HS6ST2: variants seen among roughly 807,000 people sequenced by gnomAD.
HS6ST2 encodes heparan sulfate 6-O-sulfotransferase 2, also known as heparan-sulfate 6-O-sulfotransferase 2.
A neutral mutation model predicts 33.0 loss-of-function variants in HS6ST2; 17 were observed. That is an observed-to-expected ratio of 0.52 (90% CI 0.35 to 0.77). HS6ST2 has a LOEUF of 0.77. HS6ST2 is among the 30% of genes least tolerant of loss of function. HS6ST2 has a pLI of 0.01. For synonymous variants in HS6ST2, 248 were observed against 237.1 expected (o/e 1.05, Z -0.42); for missense variants, 519 against 551.7 (o/e 0.94, Z 0.59).
chrX:132,916,003 G>A (rs2066585653), intron 2 of HS6ST2, among the ~76,000 whole-genome samples: 2 of 110,891 alleles, frequency 1.8e-5, no homozygotes, highest in Admixed American at 1.9e-4. Context: ...AAAGTGCTGG[G>A]ATTACAGACG....
At chrX:132,712,792 G>C (rs758208005) in intron 2 of HS6ST2, among the ~76,000 whole-genome samples, 1 of 111,496 alleles carries the variant, frequency 9.0e-6, no homozygotes, top group African/African-American at 3.3e-5. Flanking sequence ...TTGGGAGGCG[G>C]AGCAGATGGA....
chrX:132,889,182 C>T (rs1022604102), intron 2 of HS6ST2, among the ~76,000 whole-genome samples: 1 of 110,456 alleles, frequency 9.1e-6, no homozygotes, highest in African/African-American at 3.3e-5. Context: ...AGCATTCAAG[C>T]AGTAGGGAGG....
chrX:132,853,963 G>A (rs1174094999), intron 2 of HS6ST2, among the ~76,000 whole-genome samples: 1 of 110,806 alleles, frequency 9.0e-6, no homozygotes, highest in East Asian at 2.9e-4. Flanking sequence ...GGTGAAGGCT[G>A]CAGTGAGCCT....
intron 2 of HS6ST2, among the ~76,000 whole-genome samples, chrX:132,737,720 T>C (rs1157926834): frequency 8.9e-6 from 1 of 112,548 alleles, no homozygotes; most frequent in Non-Finnish European, 1.9e-5. Flanking sequence ...GGGGCAAGCA[T>C]AGGTGTTTGG....
At chrX:132,688,575 G>T (rs1028552155) in intron 3 of HS6ST2, among the ~76,000 whole-genome samples, 1 of 110,955 alleles carries the variant, frequency 9.0e-6, no homozygotes, top group East Asian at 2.9e-4. Flanking sequence ...AGGGGGAAAA[G>T]CCCCTTATGA....
chrX:132,663,052 G>A (rs1193600910), intron 4 of HS6ST2, among the ~76,000 whole-genome samples: 1 of 111,872 alleles, frequency 8.9e-6, no homozygotes, highest in African/African-American at 3.3e-5. Context: ...GCCTTACTTA[G>A]TTTATGACAT....
intron 2 of HS6ST2, among the ~76,000 whole-genome samples, chrX:132,923,979 C>T (rs368012683): frequency 2.7e-5 from 3 of 112,041 alleles, no homozygotes; most frequent in East Asian, 5.6e-4. Context: ...AATGCTAGCC[C>T]GCATATCTTG....
intron 2 of HS6ST2, among the ~76,000 whole-genome samples, chrX:132,939,210 T>C (rs1355123925): frequency 8.9e-6 from 1 of 111,817 alleles, no homozygotes. Flanking sequence ...CAACATGAGA[T>C]TGTGGGGAAC....
At chrX:132,646,655 C>T (rs898188769) in intron 4 of HS6ST2, among the ~76,000 whole-genome samples, 5 of 111,149 alleles carry the variant, frequency 4.5e-5, no homozygotes, top group East Asian at 2.8e-4. Context: ...GTTGGAACAC[C>T]GTGCAACGTA....
At chrX:132,915,643 T>C (rs775513496) in intron 2 of HS6ST2, among the ~76,000 whole-genome samples, 4 of 111,141 alleles carry the variant, frequency 3.6e-5, no homozygotes, top group African/African-American at 1.3e-4. Context: ...TAACAAGCTG[T>C]GGTAAAGATG....
chrX:132,836,834 A>C (rs1001386246), intron 2 of HS6ST2, among the ~76,000 whole-genome samples: 4 of 112,612 alleles, frequency 3.6e-5, no homozygotes, highest in Non-Finnish European at 7.5e-5. Flanking sequence ...TATAAGGTCA[A>C]GGAATTTGAA....
chrX:132,874,553 C>A (rs1204841028), intron 2 of HS6ST2, among the ~76,000 whole-genome samples: 2 of 111,281 alleles, frequency 1.8e-5, no homozygotes, highest in African/African-American at 6.5e-5. Flanking sequence ...TCCAGCCTGG[C>A]AAAAGAGCAA....
At chrX:132,673,720 C>T (rs929185130) in intron 3 of HS6ST2, among the ~76,000 whole-genome samples, 3 of 110,968 alleles carry the variant, frequency 2.7e-5, no homozygotes, top group Non-Finnish European at 5.7e-5. Context: ...AACAGACTCT[C>T]CCAGGGATAA....
intron 3 of HS6ST2, among the ~76,000 whole-genome samples, chrX:132,694,771 CAGATATATTATGCAGGTGAAGT>C (rs1283039056): frequency 9.0e-6 from 1 of 110,909 alleles, no homozygotes; most frequent in Admixed American, 9.6e-5. Flanking sequence ...GGTCAAATTC[CAGATATATTATGCAGGTGAAGT>C]AGACAGAATT....
At chrX:132,919,429 TAAGA>T (rs1348291575) in intron 2 of HS6ST2, among the ~76,000 whole-genome samples, 1 of 112,052 alleles carries the variant, frequency 8.9e-6, no homozygotes, top group African/African-American at 3.2e-5. Flanking sequence ...TCCAAAAGCC[TAAGA>T]AAGACTCTCT....
At chrX:132,945,893 T>TA (rs1323279761) in intron 2 of HS6ST2, among the ~76,000 whole-genome samples, 6 of 106,989 alleles carry the variant, frequency 5.6e-5, no homozygotes, top group Admixed American at 2.0e-4. Flanking sequence ...GAGATATACC[T>TA]AATGTAAATG....
At chrX:132,839,291 TATATATATATATATATATATATATAC>T (rs752855642) in intron 2 of HS6ST2, among the ~76,000 whole-genome samples, 7 of 58,566 alleles carry the variant, frequency 1.2e-4, no homozygotes, top group Non-Finnish European at 9.0e-5. Flanking sequence ...TATATATATA[TATATATATATATATATATATATATAC>T]ACACACATGT....
intron 2 of HS6ST2, among the ~76,000 whole-genome samples, chrX:132,840,994 A>G (rs1459963638): frequency 8.9e-6 from 1 of 112,334 alleles, no homozygotes; most frequent in Non-Finnish European, 1.9e-5. Context: ...AGTGCAACAA[A>G]GTTGTTCTTA....
At chrX:132,804,499 C>G (rs2065262173) in intron 2 of HS6ST2, among the ~76,000 whole-genome samples, 1 of 111,928 alleles carries the variant, frequency 8.9e-6, no homozygotes, top group Non-Finnish European at 1.9e-5. Flanking sequence ...CCTGCTTCAC[C>G]CATTCATAAG....
Sources: gnomAD v4.1 joint callset for allele counts (sites outside exome capture counted in the v4.1 genomes callset) on GRCh38, gnomAD v4.1.1 for gene constraint, MANE v1.5 for transcripts, NCBI Gene and HGNC (gene_info 2026-07-23, HGNC 2026-07-21) for gene names.